Variants in DIPK1A observed in about 807,000 individuals in gnomAD.
DIPK1A encodes family with sequence similarity 69 member A.
In DIPK1A, 27 loss-of-function variants were observed where a neutral mutation model predicts 40.8. The ratio of observed to expected loss-of-function variants is 0.66; its 90% CI spans 0.49 to 0.91. DIPK1A has a LOEUF of 0.91. DIPK1A is among the 40% of genes least tolerant of loss of function. The pLI, the probability that DIPK1A is intolerant of heterozygous loss-of-function variation, is 0.00. For missense variants in DIPK1A, 412 were observed against 505.7 expected (o/e 0.81, Z 1.78); for synonymous variants, 166 against 171.3 (o/e 0.97, Z 0.24).
Position 92,907,251 on chromosome 1 carries a change from C to T in DIPK1A, c.55-30821G>A, listed in dbSNP as rs1649658597. Among the ~76,000 whole-genome samples, 3 of 152,058 alleles carry T rather than the reference C, an allele frequency of 2.0e-5. No homozygotes were observed. The South Asian group carries it at 6.2e-4, about 32-fold the overall frequency. The stretch of plus-strand genomic sequence containing the variant: ...TTAGAACAGCCCCACTTGAATACTA[C>T]CAATAAATTATTTTTAAGGTTTAGA... On this transcript the variant is annotated intron_variant, in intron 1 of 4. Coordinates refer to ENST00000370310, the MANE Select transcript of DIPK1A (RefSeq NM_001006605.5).
At chr1:92,940,731 T>C (rs941596694) in intron 1 of DIPK1A, among the ~76,000 whole-genome samples, 4 of 152,264 alleles carry the variant, frequency 2.6e-5, no homozygotes, top group Admixed American at 6.5e-5. Context: ...CTGCTTTCCA[T>C]GGCTGTATCA....
intron 1 of DIPK1A, among the ~76,000 whole-genome samples, chr1:92,941,464 A>G (rs1053081616): frequency 2.6e-5 from 4 of 152,226 alleles, no homozygotes; most frequent in African/African-American, 9.6e-5. Flanking sequence ...TGTTGACAGC[A>G]AAATATTGGA....
chr1:92,849,113 A>G (rs1411061262), intron 3 of DIPK1A, among the ~76,000 whole-genome samples: 3 of 152,122 alleles, frequency 2.0e-5, no homozygotes, highest in Non-Finnish European at 4.4e-5. Flanking sequence ...TTATTAAGGT[A>G]TAAGTTCAAA....
At chr1:92,859,611 T>G (rs565717800) in intron 2 of DIPK1A, among the ~76,000 whole-genome samples, 1 of 152,352 alleles carries the variant, frequency 6.6e-6, no homozygotes, top group East Asian at 1.9e-4. Flanking sequence ...AGGCAGCTAC[T>G]CCAAGCGCTT....
chr1:92,939,059 C>T (rs1053940631), intron 1 of DIPK1A, among the ~76,000 whole-genome samples: 11 of 152,122 alleles, frequency 7.2e-5, no homozygotes, highest in African/African-American at 2.4e-4. Flanking sequence ...CGCCACCACG[C>T]CTGGCTAATT....
At chr1:92,883,125 A>C (rs1299979010) in intron 1 of DIPK1A, among the ~76,000 whole-genome samples, 1 of 152,212 alleles carries the variant, frequency 6.6e-6, no homozygotes, top group African/African-American at 2.4e-5. Flanking sequence ...TTTAGAGAAC[A>C]CAGGCCAGGC....
At chr1:92,934,313 T>A (rs547808372) in intron 1 of DIPK1A, among the ~76,000 whole-genome samples, 4 of 152,204 alleles carry the variant, frequency 2.6e-5, no homozygotes, top group Non-Finnish European at 4.4e-5. Flanking sequence ...TCTTTATAAA[T>A]GAATTTAAAA....
At chr1:92,943,114 A>C (rs927256585) in intron 1 of DIPK1A, among the ~76,000 whole-genome samples, 1 of 152,260 alleles carries the variant, frequency 6.6e-6, no homozygotes, top group Non-Finnish European at 1.5e-5. Context: ...TGCTACTTAC[A>C]GCTTGCAAAA....
At chr1:92,892,781 A>G (rs959930585) in intron 1 of DIPK1A, among the ~76,000 whole-genome samples, 2 of 149,186 alleles carry the variant, frequency 1.3e-5, no homozygotes, top group African/African-American at 5.0e-5. Flanking sequence ...GCTAACTAGA[A>G]TAACCAATGC....
chr1:92,909,140 T>C (rs1450908865), intron 1 of DIPK1A, among the ~76,000 whole-genome samples: 1 of 152,182 alleles, frequency 6.6e-6, no homozygotes, highest in East Asian at 1.9e-4. Flanking sequence ...ACACTAAAAC[T>C]CTTTTCTAAG....
chr1:92,872,777 T>G (rs1273477376), intron 2 of DIPK1A, among the ~76,000 whole-genome samples: 1 of 152,246 alleles, frequency 6.6e-6, no homozygotes, highest in African/African-American at 2.4e-5. Context: ...GATTTTTAAC[T>G]GAGAGCTTGG....
At chr1:92,834,942 A>T in intron 4 of DIPK1A, 1 of 1,599,842 alleles carries the variant, frequency 6.3e-7, no homozygotes, top group South Asian at 1.1e-5. Context: ...TAATTGATGT[A>T]GTTTGTGGCT....
At chr1:92,861,109 A>T (rs566211181) in intron 2 of DIPK1A, among the ~76,000 whole-genome samples, 1 of 152,204 alleles carries the variant, frequency 6.6e-6, no homozygotes, top group South Asian at 2.1e-4. Flanking sequence ...TAGAAATGAC[A>T]ACGTATATCC....
chr1:92,859,077 G>T (rs4847378), intron 2 of DIPK1A, among the ~76,000 whole-genome samples: 93,935 of 151,910 alleles, frequency 0.62, 29,635 homozygotes, highest in East Asian at 0.94. Flanking sequence ...AAACCCACCC[G>T]AGTTGAATGA....
chr1:92,921,043 A>C (rs1650249990), intron 1 of DIPK1A, among the ~76,000 whole-genome samples: 2 of 152,278 alleles, frequency 1.3e-5, no homozygotes, highest in African/African-American at 4.8e-5. Flanking sequence ...GGCAAACTTG[A>C]GCTATCCCTG....
rs372570990 is a variant in DIPK1A, at chr1:92,862,186, A to G, written c.190-11231T>C. The stretch of plus-strand genomic sequence containing the variant: ...CTCTGAGGAATCCTGGCTCTATCCC[A>G]GCCTAGGCCTTTTTCGTGAATTAAA... On this transcript the variant is annotated intron_variant, in intron 2 of 4. Transcript: ENST00000370310. Among the ~76,000 whole-genome samples, 26 of 152,166 alleles carry G rather than the reference A, an allele frequency of 1.7e-4. No homozygotes were observed. In the East Asian group the frequency reaches 5.0e-3, roughly 29 times the overall value.
intron 1 of DIPK1A, among the ~76,000 whole-genome samples, chr1:92,894,952 A>G (rs1649092317): frequency 6.6e-6 from 1 of 152,076 alleles, no homozygotes; most frequent in Admixed American, 6.6e-5. Flanking sequence ...AGACTAAACC[A>G]GAAAGAAGTT....
At chr1:92,898,531 G>A (rs924082865) in intron 1 of DIPK1A, among the ~76,000 whole-genome samples, 4 of 152,132 alleles carry the variant, frequency 2.6e-5, no homozygotes, top group East Asian at 1.9e-4. Context: ...GATAGAGTGC[G>A]GTGGTATGAA....
chr1:92,961,059 C>T (rs1652059791), intron 1 of DIPK1A, among the ~76,000 whole-genome samples: 1 of 152,112 alleles, frequency 6.6e-6, no homozygotes, highest in African/African-American at 2.4e-5. Context: ...GCGGGCAATG[C>T]CCGGAGCGCG....
Sources: allele counts gnomAD v4.1 joint callset (sites outside exome capture counted in the v4.1 genomes callset), GRCh38; gene constraint gnomAD v4.1.1; transcripts MANE v1.5; gene names NCBI Gene and HGNC (gene_info 2026-07-23, HGNC 2026-07-21).